Variants in ARSG observed in about 807,000 individuals in gnomAD.
ARSG encodes the protein arylsulfatase G.
A neutral mutation model predicts 50.5 loss-of-function variants in ARSG; 37 were observed. The ratio of observed to expected loss-of-function variants is 0.73; its 90% CI spans 0.56 to 0.96. ARSG has a LOEUF of 0.96. ARSG is among the 50% of genes least tolerant of loss of function. ARSG has a pLI of 0.00. For synonymous variants in ARSG, 225 were observed against 254.6 expected, an observed-to-expected ratio of 0.88 and a Z score of 1.11; for missense variants, 629 against 675.3, an observed-to-expected ratio of 0.93 and a Z score of 0.76.
the ARSG span, among the ~76,000 whole-genome samples, chr17:68,446,369 G>T: frequency 6.6e-6 from 1 of 151,874 alleles, no homozygotes; most frequent in Non-Finnish European, 1.5e-5. Flanking sequence ...TTTTTGTAGA[G>T]ACCCGGGTTT....
chr17:68,395,321 C>A, intron 10 of ARSG, 128 bp downstream of exon 10: 2 of 1,404,420 alleles, frequency 1.4e-6, no homozygotes, highest in South Asian at 1.3e-5. Flanking sequence ...GATACAGTGG[C>A]TCACGCCTGT....
Position 68,401,403 on chromosome 17 carries a change from C to T in ARSG, c.1256C>T (p.Ala419Val). 2 of 1,614,052 alleles carry T rather than the reference C, an allele frequency of 1.2e-6. No homozygotes were observed. The highest frequency in any genetic ancestry group is 4.5e-5 in the East Asian group (2 of 44,896). The change falls in exon 11 of 12, where the codon GCC becomes GTC. Residue 419 changes from alanine to valine, a missense_variant. Transcript: ENST00000621439. The part of the protein sequence containing the change: ...PNSGAAGEFG[A>V]LQTVRLERYK... The stretch of plus-strand genomic sequence containing the variant: ...AGCGGGGCAGCTGGAGAGTTTGGAG[C>T]CCTGCAGACTGTCCGCCTGGAGCGT...
chr17:68,287,391 C>T (rs573914435), upstream of ARSG, among the ~76,000 whole-genome samples: 1 of 152,058 alleles, frequency 6.6e-6, no homozygotes, highest in Admixed American at 6.6e-5. Context: ...AACTCCCGGA[C>T]TCAAGCGATC....
At chr17:68,274,961 G>A (rs1207724739) in intron 1 of ARSG, among the ~76,000 whole-genome samples, 3 of 152,100 alleles carry the variant, frequency 2.0e-5, no homozygotes, top group Admixed American at 6.6e-5. Flanking sequence ...TGTATTTTTA[G>A]TAGAGATGGG....
chr17:68,437,180 G>A, the ARSG span, among the ~76,000 whole-genome samples: 70 of 152,050 alleles, frequency 4.6e-4, no homozygotes, highest in Non-Finnish European at 7.5e-4. Context: ...GTACATATTG[G>A]TCTTTCTGCA....
chr17:68,390,981 C>G (rs891215384), intron 9 of ARSG, among the ~76,000 whole-genome samples: 1 of 150,872 alleles, frequency 6.6e-6, no homozygotes, highest in African/African-American at 2.5e-5. Flanking sequence ...GTGCCCAGGT[C>G]CCATGAAAGC....
At chr17:68,331,756 T>C (rs1054173422) in intron 2 of ARSG, among the ~76,000 whole-genome samples, 1 of 151,944 alleles carries the variant, frequency 6.6e-6, no homozygotes, top group African/African-American at 2.4e-5. Flanking sequence ...AGGGAAAGAG[T>C]ACAAAACAGA....
chr17:68,427,594 T>C (rs188636874), downstream of ARSG: 49 of 181,766 alleles, frequency 2.7e-4, no homozygotes, highest in African/African-American at 1.1e-3. Context: ...TGACCTCAGG[T>C]GATCCGCCCG....
chr17:68,385,283 G>A lies in ARSG; in HGVS notation c.1091+111G>A, dbSNP rs2080655686. ...GGCTAGATGGAGGCATGGGTGGCTA[G>A]AGGCCTCAGGAAGGTCATTCACCAC... On this transcript the variant is annotated intron_variant, in intron 9 of 11. Transcript: ENST00000621439. The A allele has an allele frequency of 3.5e-6, 3 of 860,088 alleles. No homozygotes were observed. The South Asian group carries it at 4.6e-5, about 13-fold the overall frequency. The allele number at this position is 860,088 out of a possible 1,614,324, so 53.3% of individuals were successfully genotyped here. A position where few individuals can be genotyped will look rare whatever the true frequency, so the allele number is the denominator to read the frequency against.
At chr17:68,414,338 T>G (rs2082235833) in intron 11 of ARSG, among the ~76,000 whole-genome samples, 1 of 152,222 alleles carries the variant, frequency 6.6e-6, no homozygotes, top group African/African-American at 2.4e-5. Context: ...ATCACATTTA[T>G]TGGTATATGT....
chr17:68,280,876 G>A (rs529213513), intron 1 of ARSG, among the ~76,000 whole-genome samples: 3 of 152,284 alleles, frequency 2.0e-5, no homozygotes, highest in Admixed American at 6.5e-5. Context: ...TATAATCCCA[G>A]CACTTCGGGA....
At chr17:68,396,945 T>A (rs1388811232) in intron 10 of ARSG, among the ~76,000 whole-genome samples, 1 of 152,038 alleles carries the variant, frequency 6.6e-6, no homozygotes, top group Non-Finnish European at 1.5e-5. Flanking sequence ...CCCTGGAGGG[T>A]TGTCACAGAC....
intron 4 of ARSG, among the ~76,000 whole-genome samples, chr17:68,349,254 C>T (rs997570589): frequency 2.0e-5 from 3 of 151,492 alleles, no homozygotes; most frequent in East Asian, 2.0e-4. Context: ...GTTGAGATTG[C>T]ACCACTCCAG....
intron 2 of ARSG, among the ~76,000 whole-genome samples, chr17:68,311,626 C>T (rs1002818377): frequency 2.0e-5 from 3 of 151,944 alleles, no homozygotes; most frequent in East Asian, 1.9e-4. Flanking sequence ...GAGATGGTGA[C>T]GTGAAGATGG....
intron 10 of ARSG, 101 bp downstream of exon 10, chr17:68,395,294 G>C (rs2081191524): frequency 3.9e-6 from 6 of 1,542,538 alleles, no homozygotes; most frequent in Non-Finnish European, 4.4e-6. Context: ...AGATGGTCAA[G>C]AACAGGCTGC....
intron 9 of ARSG, among the ~76,000 whole-genome samples, chr17:68,389,447 CG>C (rs898929015): frequency 6.6e-6 from 1 of 151,766 alleles, no homozygotes; most frequent in African/African-American, 2.4e-5. Flanking sequence ...CATGTCTCCA[CG>C]GCTGAGACCA....
At chr17:68,350,194 A>T (rs1858682885) in intron 4 of ARSG, among the ~76,000 whole-genome samples, 1 of 152,172 alleles carries the variant, frequency 6.6e-6, no homozygotes, top group Non-Finnish European at 1.5e-5. Flanking sequence ...CCGAGGCCCC[A>T]AAGCATGAGG....
chr17:68,282,276 C>T (rs1225259385), intron 1 of ARSG, among the ~76,000 whole-genome samples: 1 of 151,994 alleles, frequency 6.6e-6, no homozygotes, highest in African/African-American at 2.4e-5. Context: ...ACCACACGTT[C>T]TCACTCATAG....
the ARSG span, chr17:68,435,850 G>C: frequency 1.3e-6 from 1 of 744,422 alleles, no homozygotes; most frequent in Non-Finnish European, 2.3e-6. Flanking sequence ...CAGGCCATCT[G>C]CATGTAAGCT....
Sources: gnomAD v4.1 joint callset for allele counts (sites outside exome capture counted in the v4.1 genomes callset) on GRCh38, gnomAD v4.1.1 for gene constraint, MANE v1.5 for transcripts, NCBI Gene and HGNC (gene_info 2026-07-23, HGNC 2026-07-21) for gene names.